LDLRAD1: variants seen among roughly 807,000 people sequenced by gnomAD.
LDLRAD1 encodes the protein low-density lipoprotein receptor class A domain-containing protein 1.
Under a neutral mutation model 24.8 loss-of-function variants are expected in LDLRAD1, and 17 were observed. The ratio of observed to expected loss-of-function variants is 0.69; its 90% CI spans 0.47 to 1.03. LDLRAD1 has a LOEUF of 1.03. Ranked by LOEUF, LDLRAD1 falls within the 50% of genes least tolerant of loss-of-function variation. The probability of loss-of-function intolerance (pLI) is 0.00; values close to 1 mark genes in which losing one functional copy is unlikely to be tolerated. For synonymous variants in LDLRAD1, 103 were observed against 108.2 expected (o/e 0.95, Z 0.30); for missense variants, 277 against 271.0 (o/e 1.02, Z -0.16).
At position 54,012,264 on chromosome 1, in the gene LDLRAD1, T is replaced by C; in HGVS notation, c.219A>G (p.Ile73Met). ...PSCTPGAQAC[I>M]TLTNRTGFLC... ...AGAAGCCTGTCCTGTTTGTCAGTGT[T>C]ATACAAGCTTGGGCTCCTGAATGGG... is the stretch of plus-strand genomic sequence containing the variant. The change falls in exon 4 of 6, where the codon ATA (isoleucine) becomes ATG (methionine). Residue 73 changes from isoleucine to methionine, a missense_variant. Ile to Met is a conservative substitution (Grantham distance 10). Transcript: ENST00000371360. 3.1e-6 allele frequency: 5 copies of C among 1,614,114 alleles called. No homozygotes were observed. The highest frequency in any genetic ancestry group is 4.2e-6 in the Non-Finnish European group (5 of 1,179,978).
At chr1:54,017,242 G>T (rs11804837) in intron 2 of LDLRAD1, 134 bp downstream of exon 2, 2 of 684,902 alleles carry the variant, frequency 2.9e-6, no homozygotes, top group Admixed American at 5.2e-5. Flanking sequence ...GAAGCTGGGA[G>T]CAGACAACGT....
Position 54,008,991 on chromosome 1 carries a change from G to C in LDLRAD1, c.609C>G (p.Pro203=). 6.2e-7 allele frequency: 1 copy of C among 1,613,094 alleles called. No homozygotes were observed. Among genetic ancestry groups the C allele is most frequent in the Non-Finnish European group, 8.5e-7 (1 of 1,179,406 alleles). The change falls in exon 6 of 6, where the codon CCC becomes CCG. Residue 203 remains proline, a synonymous_variant. Transcript: ENST00000371360. ...CSDWSDEYAC[P]GP ...GGCCTGAGTGGCCCACTCAGGGTCC[G>C]GGACAGGCATACTCATCGGACCAGT...
intron 2 of LDLRAD1, among the ~76,000 whole-genome samples, chr1:54,016,896 C>G (rs1430797726): frequency 6.6e-6 from 1 of 152,208 alleles, no homozygotes; most frequent in South Asian, 2.1e-4. Context: ...GTGGGCCAAG[C>G]CAGGGCATAT....
chr1:54,017,104 C>T (rs1388320068), intron 2 of LDLRAD1, among the ~76,000 whole-genome samples: 8 of 152,188 alleles, frequency 5.3e-5, no homozygotes, highest in Admixed American at 4.6e-4. Flanking sequence ...CTCTGTGTTA[C>T]AGGTGGGCAC....
intron 4 of LDLRAD1, among the ~76,000 whole-genome samples, chr1:54,011,376 G>T (rs988781845): frequency 6.6e-6 from 1 of 152,128 alleles, no homozygotes; most frequent in Non-Finnish European, 1.5e-5. Flanking sequence ...TCCAATCCTT[G>T]CATCCCCTGG....
intron 1 of LDLRAD1, 71 bp from the exon 2 acceptor site, chr1:54,017,498 G>A (rs1306102375): frequency 1.5e-6 from 2 of 1,362,394 alleles, no homozygotes; most frequent in Admixed American, 3.9e-5. Flanking sequence ...GCAGACAACA[G>A]GGTTTTCAGA....
chr1:54,016,220 A>G (rs1027181702), intron 2 of LDLRAD1, among the ~76,000 whole-genome samples: 4 of 152,012 alleles, frequency 2.6e-5, no homozygotes, highest in African/African-American at 9.7e-5. Flanking sequence ...TCCAAGATGG[A>G]TGTGTATTGG....
chr1:54,013,072 A>G (rs554306813), intron 3 of LDLRAD1, among the ~76,000 whole-genome samples: 1 of 151,504 alleles, frequency 6.6e-6, no homozygotes, highest in Non-Finnish European at 1.5e-5. Context: ...GGCGGGGGGG[A>G]GCAACTCTCA....
In LDLRAD1 at chr1:54,009,098, A is replaced by G; in HGVS notation, c.502T>C (p.Trp168Arg). 6.2e-7 allele frequency: 1 copy of G among 1,613,882 alleles called. No homozygotes were observed. Among genetic ancestry groups the G allele is most frequent in the Non-Finnish European group, 8.5e-7 (1 of 1,179,938 alleles). Residue 168 changes from tryptophan to arginine, a missense_variant, in exon 6 of 6, where the codon TGG (tryptophan) becomes CGG (arginine). Trp to Arg is a moderately radical substitution (Grantham distance 101). Coordinates refer to ENST00000371360, the MANE Select transcript of LDLRAD1 (RefSeq NM_001010978.4). Reference sequence around the variant, plus strand: ...TTGAAGAAGGTTGAAGGACAGCGCCACCACCCAGGGCCGCAGGGTGGGCAC... The same window carrying G: ...TTGAAGAAGGTTGAAGGACAGCGCCGCCACCCAGGGCCGCAGGGTGGGCAC... ...TVCPPCGPGWWRCPSTFFKYC... is the reference protein window; with the variant it reads ...TVCPPCGPGWRRCPSTFFKYC...
chr1:54,017,953 C>T (rs1299797321), intron 1 of LDLRAD1, 139 bp downstream of exon 1: 5 of 809,500 alleles, frequency 6.2e-6, no homozygotes, highest in East Asian at 2.4e-5. Context: ...GATCAGGAGC[C>T]TGGTCAGGGC....
At chr1:54,014,388 G>A (rs990126746) in intron 2 of LDLRAD1, 24 bp from the exon 3 acceptor site, 3 of 1,544,082 alleles carry the variant, frequency 1.9e-6, no homozygotes. Context: ...AAACAAGCCC[G>A]GGGGTGGTGG....
chr1:54,015,199 G>A (rs1035685882), intron 2 of LDLRAD1, among the ~76,000 whole-genome samples: 3 of 152,234 alleles, frequency 2.0e-5, no homozygotes, highest in Non-Finnish European at 4.4e-5. Context: ...ATAAGTCCTA[G>A]GCTCAAGCAG....
At chr1:54,013,946 C>G (rs1486949304) in intron 3 of LDLRAD1, among the ~76,000 whole-genome samples, 1 of 151,820 alleles carries the variant, frequency 6.6e-6, no homozygotes, top group East Asian at 1.9e-4. Context: ...GACTGGGGGG[C>G]TGAGAAGAGG....
chr1:54,014,338 G>C lies in LDLRAD1; in HGVS notation c.100C>G (p.Arg34Gly). Residue 34 changes from arginine (R) to glycine (G), a missense_variant, in exon 3 of 6, where the codon CGT becomes GGT. Coordinates refer to ENST00000371360, the MANE Select transcript of LDLRAD1 (RefSeq NM_001010978.4). The part of the protein sequence containing the change: ...EAGGGHLCCS[R>G]RGACLSASLL... ...GAGGCAGAGAGGCAGGCCCCGCGAC[G>C]TGAGCAGCAGAGGTGGCCGCCGCCT... The C allele has an allele frequency of 6.5e-7, 1 of 1,548,764 alleles. No homozygotes were observed. The highest frequency in any genetic ancestry group is 8.7e-7 in the Non-Finnish European group (1 of 1,146,512).
intron 2 of LDLRAD1, among the ~76,000 whole-genome samples, chr1:54,015,640 CT>C (rs757548501): frequency 6.8e-5 from 10 of 147,100 alleles, no homozygotes; most frequent in Non-Finnish European, 1.0e-4. Flanking sequence ...GTGGTGGGGG[CT>C]TTTGTTTTTT....
chr1:54,015,357 G>T (rs1178490597), intron 2 of LDLRAD1, among the ~76,000 whole-genome samples: 6 of 152,200 alleles, frequency 3.9e-5, no homozygotes, highest in Non-Finnish European at 7.3e-5. Flanking sequence ...CCCTGCTCTT[G>T]TAGAACTGTA....
chr1:54,014,575 G>A (rs114310718), intron 2 of LDLRAD1, among the ~76,000 whole-genome samples: 1,807 of 152,226 alleles, frequency 0.012, 37 homozygotes, highest in African/African-American at 0.039. Context: ...TGCCACCCTG[G>A]CCAGGGGCCC....
Position 54,011,799 on chromosome 1 carries a change from T to TG in LDLRAD1, c.340+343dup, listed in dbSNP as rs1346658162. On this transcript the variant is annotated intron_variant, in intron 4 of 5. Transcript: ENST00000371360. ...GAGCGACAACCAGTGTGACAAGGGC[T>TG]GGGACACAGGGAATCACAGGGACTG... Among the ~76,000 whole-genome samples, 4 of 152,216 alleles carry TG rather than the reference T, an allele frequency of 2.6e-5. No individual in the cohort carries two copies. The East Asian group carries it at 5.8e-4, about 22-fold the overall frequency.
At chr1:54,016,530 G>C (rs550910373) in intron 2 of LDLRAD1, among the ~76,000 whole-genome samples, 2 of 152,198 alleles carry the variant, frequency 1.3e-5, no homozygotes, top group Admixed American at 6.5e-5. Context: ...TCCCTGTACC[G>C]ATGAGGAAAA....
Sources: allele counts gnomAD v4.1 joint callset (sites outside exome capture counted in the v4.1 genomes callset), GRCh38; gene constraint gnomAD v4.1.1; transcripts MANE v1.5; gene names NCBI Gene and HGNC (gene_info 2026-07-23, HGNC 2026-07-21).